Variants in DIP2C observed in about 807,000 individuals in gnomAD.
DIP2C encodes the protein disco-interacting protein 2 homolog C.
A neutral mutation model predicts 192.4 loss-of-function variants in DIP2C; 33 were observed. The ratio of observed to expected loss-of-function variants is 0.17; its 90% CI spans 0.13 to 0.23. The LOEUF is 0.23. Ranked by LOEUF, DIP2C falls within the 10% of genes least tolerant of loss-of-function variation. DIP2C has a pLI of 1.00. For synonymous variants in DIP2C, 979 were observed against 864.1 expected, an observed-to-expected ratio of 1.13 and a Z score of -2.33; for missense variants, 1,537 against 2,110.1, an observed-to-expected ratio of 0.73 and a Z score of 5.32.
chr10:548,911 C>CCAAAAAAAAAAA (rs1348217783), intron 1 of DIP2C, among the ~76,000 whole-genome samples: 10 of 26,462 alleles, frequency 3.8e-4, no homozygotes, highest in African/African-American at 1.3e-3. Flanking sequence ...TAGCAGCTCA[C>CCAAAAAAAAAAA]AAAAAAAAAA....
Position 327,002 on chromosome 10 carries a change from T to C in DIP2C, c.3924+4A>G. 3.1e-6 allele frequency: 5 copies of C among 1,610,804 alleles called. No individual in the cohort carries two copies. The highest frequency in any genetic ancestry group is 4.2e-6 in the Non-Finnish European group (5 of 1,178,396). On this transcript the variant is annotated splice_donor_region_variant and intron_variant, in intron 31 of 36. Coordinates refer to ENST00000280886, the MANE Select transcript of DIP2C (RefSeq NM_014974.3). ...CTCAGCACTGTGATGTCGCCGAATCTCACCTGCAAGCAAATCGCCAGGTTC... is the reference window on the plus strand; with the variant it reads ...CTCAGCACTGTGATGTCGCCGAATCCCACCTGCAAGCAAATCGCCAGGTTC...
At chr10:299,142 A>G (rs1955896477) in intron 32 of DIP2C, among the ~76,000 whole-genome samples, 1 of 152,248 alleles carries the variant, frequency 6.6e-6, no homozygotes, top group South Asian at 2.1e-4. Context: ...CCCATCTTAC[A>G]CAATGTGCAC....
In DIP2C at chr10:345,238, G is replaced by A. The variant is rs561000625; in HGVS notation, c.3232-128C>T. 3.7e-5 allele frequency: 34 copies of A among 930,006 alleles called. No individual in the cohort carries two copies. The African/African-American group carries it at 4.2e-4, about 12-fold the overall frequency. The allele number at this position is 930,006 out of a possible 1,614,324, so 57.6% of individuals were successfully genotyped here. On this transcript the variant is annotated intron_variant, in intron 26 of 36. Coordinates refer to ENST00000280886, the MANE Select transcript of DIP2C (RefSeq NM_014974.3). ...GCTTTAACGGGCAGATGAGGTTACC[G>A]AGCCCTCCTGCTGGCTAAGGTAGGA...
chr10:373,304 CCT>C (rs1375394034), intron 17 of DIP2C, among the ~76,000 whole-genome samples: 5 of 152,150 alleles, frequency 3.3e-5, no homozygotes, highest in African/African-American at 9.7e-5. Context: ...AGGCAAAGTC[CCT>C]GTTTCTGCTC....
chr10:672,116 GGGAGGAAACGTCATAGACACATGGAC>G (rs1564330534), intron 1 of DIP2C, among the ~76,000 whole-genome samples: 1 of 143,078 alleles, frequency 7.0e-6, no homozygotes, highest in Non-Finnish European at 1.5e-5. Flanking sequence ...GACGCACGGA[GGGAGGAAACGTCATAGACACATGGAC>G]GGAGGAAACA....
chr10:476,103 G>A (rs1843010879), intron 2 of DIP2C, among the ~76,000 whole-genome samples: 1 of 152,214 alleles, frequency 6.6e-6, no homozygotes, highest in Admixed American at 6.5e-5. Context: ...GCGTGGTCAG[G>A]GGAGAGAGGC....
At chr10:504,537 G>C (rs555927706) in intron 1 of DIP2C, among the ~76,000 whole-genome samples, 16 of 152,218 alleles carry the variant, frequency 1.1e-4, no homozygotes, top group African/African-American at 3.9e-4. Flanking sequence ...ATGCAGAGAA[G>C]CACCCACGGC....
At chr10:554,862 T>G (rs1848758771) in intron 1 of DIP2C, among the ~76,000 whole-genome samples, 1 of 141,572 alleles carries the variant, frequency 7.1e-6, no homozygotes, top group Non-Finnish European at 1.5e-5. Flanking sequence ...GCACCAGTGA[T>G]GCAGGTGTGC....
intron 29 of DIP2C, among the ~76,000 whole-genome samples, chr10:334,201 G>GT (rs1443850992): frequency 6.6e-6 from 1 of 151,306 alleles, no homozygotes; most frequent in African/African-American, 2.4e-5. Flanking sequence ...CAGCTACTTG[G>GT]GAGGCTGAGG....
At chr10:376,557 C>CTT (rs61541768) in intron 17 of DIP2C, among the ~76,000 whole-genome samples, 4,204 of 135,272 alleles carry the variant, frequency 0.031, 81 homozygotes, top group Admixed American at 0.043. Context: ...GAGGAAGTGT[C>CTT]TTTTTTTTTT....
At chr10:330,491 C>T (rs752147801) in intron 29 of DIP2C, among the ~76,000 whole-genome samples, 4 of 152,032 alleles carry the variant, frequency 2.6e-5, no homozygotes, top group African/African-American at 4.8e-5. Flanking sequence ...AGATAAATCA[C>T]GTTCTAAGAT....
chr10:544,805 TA>T lies in DIP2C; in HGVS notation c.86-58276del, dbSNP rs1233711968. Among the ~76,000 whole-genome samples, 3 of 152,252 alleles carry T rather than the reference TA, an allele frequency of 2.0e-5. No individual in the cohort carries two copies. In the East Asian group the frequency reaches 5.8e-4, roughly 29 times the overall value. The stretch of plus-strand genomic sequence containing the variant: ...TTCTTTTCATTGCTGAGTAAGTTTT[TA>T]AAGATATTCTTGATATCAGGCCCTT... On this transcript the variant is annotated intron_variant, in intron 1 of 36. Coordinates refer to ENST00000280886, the MANE Select transcript of DIP2C (RefSeq NM_014974.3).
intron 24 of DIP2C, 29 bp from the exon 25 acceptor site, chr10:349,483 T>C (rs762478710): frequency 6.3e-7 from 1 of 1,584,210 alleles, no homozygotes; most frequent in South Asian, 1.1e-5. Context: ...GACAAGCACA[T>C]AAGATTCCTT....
intron 3 of DIP2C, among the ~76,000 whole-genome samples, chr10:463,491 AGAG>A (rs1183309451): frequency 6.6e-6 from 1 of 152,226 alleles, no homozygotes; most frequent in Non-Finnish European, 1.5e-5. Flanking sequence ...CAAGGAAAGA[AGAG>A]AAGACACAAA....
At chr10:392,887 C>G (rs577612453) in intron 10 of DIP2C, among the ~76,000 whole-genome samples, 64 of 6,216 alleles carry the variant, frequency 0.01, no homozygotes, top group African/African-American at 0.012. Context: ...CTCACACACA[C>G]GTGCCCACAC....
chr10:372,302 T>TG (rs1380492300), intron 17 of DIP2C, among the ~76,000 whole-genome samples: 1 of 152,228 alleles, frequency 6.6e-6, no homozygotes, highest in Non-Finnish European at 1.5e-5. Context: ...CTCGAACTCC[T>TG]GACCTCGAGT....
intron 1 of DIP2C, among the ~76,000 whole-genome samples, chr10:528,188 G>C (rs1416670763): frequency 6.6e-6 from 1 of 152,076 alleles, no homozygotes; most frequent in Non-Finnish European, 1.5e-5. Flanking sequence ...CAGAGTCCCT[G>C]GTCACAGCAT....
chr10:378,734 C>T (rs984916803), intron 17 of DIP2C, among the ~76,000 whole-genome samples: 12 of 151,506 alleles, frequency 7.9e-5, no homozygotes, highest in Non-Finnish European at 1.6e-4. Flanking sequence ...AACAGACATG[C>T]ATAAAGACAC....
chr10:422,640 G>A (rs1282099310), intron 5 of DIP2C, among the ~76,000 whole-genome samples, 184 bp downstream of exon 5: 2 of 152,222 alleles, frequency 1.3e-5, no homozygotes, highest in African/African-American at 2.4e-5. Flanking sequence ...AGCTGTGGGA[G>A]GGACCTGGGC....
Sources: gnomAD v4.1 joint callset for allele counts (sites outside exome capture counted in the v4.1 genomes callset) on GRCh38, gnomAD v4.1.1 for gene constraint, MANE v1.5 for transcripts, NCBI Gene and HGNC (gene_info 2026-07-23, HGNC 2026-07-21) for gene names.